TMEM272: variants seen among roughly 807,000 people sequenced by gnomAD.
The protein encoded by TMEM272 is long intergenic non-protein coding RNA 282.
Under a neutral mutation model 3.7 loss-of-function variants are expected in TMEM272, and 8 were observed. The ratio of observed to expected loss-of-function variants is 2.17; its 90% CI spans 1.27 to 3.91. The LOEUF is 3.91. Ranked by LOEUF, TMEM272 falls within the 30% of genes most tolerant of loss-of-function variation. TMEM272 has a pLI of 0.00. For synonymous variants in TMEM272, 63 were observed against 39.8 expected, an observed-to-expected ratio of 1.58 and a Z score of -2.20; for missense variants, 166 against 91.5, an observed-to-expected ratio of 1.81 and a Z score of -3.32.
chr13:51,889,790 C>A, the TMEM272 span, among the ~76,000 whole-genome samples: 1 of 152,018 alleles, frequency 6.6e-6, no homozygotes, highest in African/African-American at 2.4e-5. Context: ...TACAGGCATG[C>A]GCCACCACGC....
chr13:51,892,688 T>C, the TMEM272 span, among the ~76,000 whole-genome samples: 1 of 152,068 alleles, frequency 6.6e-6, no homozygotes, highest in African/African-American at 2.4e-5. Flanking sequence ...CATTTCCCAT[T>C]CCCCATGATG....
chr13:51,839,106 G>A (rs539739598), intron 1 of TMEM272, among the ~76,000 whole-genome samples: 34 of 152,116 alleles, frequency 2.2e-4, no homozygotes, highest in Non-Finnish European at 4.6e-4. Flanking sequence ...GGTCCAAGCG[G>A]AAGAGGAACC....
the TMEM272 span, chr13:51,910,598 AG>A: frequency 4.7e-6 from 3 of 636,706 alleles, no homozygotes; most frequent in Non-Finnish European, 9.0e-6. Context: ...AGTACAGCTG[AG>A]GGGTAGCCCT....
the TMEM272 span, among the ~76,000 whole-genome samples, chr13:51,911,457 C>T: frequency 9.9e-5 from 15 of 152,186 alleles, no homozygotes; most frequent in Non-Finnish European, 2.2e-4. Flanking sequence ...TGCTCTGTGT[C>T]CATTTCTGAA....
chr13:51,866,725 C>T, the TMEM272 span, among the ~76,000 whole-genome samples: 5 of 152,214 alleles, frequency 3.3e-5, no homozygotes, highest in Admixed American at 6.5e-5. Flanking sequence ...GGGGCTGAGA[C>T]TCAAGAGTGC....
upstream of TMEM272, among the ~76,000 whole-genome samples, chr13:51,847,674 G>A (rs1454848451): frequency 6.6e-6 from 1 of 152,194 alleles, no homozygotes; most frequent in Non-Finnish European, 1.5e-5. Flanking sequence ...GAGTGACTGT[G>A]AGCAGTGAGG....
At chr13:51,834,485 G>A (rs1415500415) in intron 2 of TMEM272, among the ~76,000 whole-genome samples, 1 of 152,198 alleles carries the variant, frequency 6.6e-6, no homozygotes, top group Non-Finnish European at 1.5e-5. Flanking sequence ...TTTTATTAAA[G>A]AGGAAGAAGT....
intron 3 of TMEM272, among the ~76,000 whole-genome samples, chr13:51,824,693 C>G (rs1956108295): frequency 6.6e-6 from 1 of 152,232 alleles, no homozygotes; most frequent in African/African-American, 2.4e-5. Context: ...TGGCTCATGC[C>G]TGTCATCCCA....
the TMEM272 span, among the ~76,000 whole-genome samples, chr13:51,885,725 T>G: frequency 4.6e-5 from 7 of 152,208 alleles, no homozygotes; most frequent in African/African-American, 1.7e-4. Context: ...CTTTACTATT[T>G]GTACAGAAGC....
chr13:51,921,116 A>G, the TMEM272 span: 4 of 152,270 alleles, frequency 2.6e-5, no homozygotes, highest in African/African-American at 7.2e-5. Context: ...ATACGCAGAC[A>G]TTGATCTGAG....
chr13:51,838,438 AC>A, intron 2 of TMEM272, 34 bp downstream of exon 2: 1 of 703,018 alleles, frequency 1.4e-6, no homozygotes, highest in Non-Finnish European at 2.6e-6. Flanking sequence ...TCTCAATCCT[AC>A]AAAACCAGGG....
chr13:51,886,611 A>T, the TMEM272 span, among the ~76,000 whole-genome samples: 1 of 152,208 alleles, frequency 6.6e-6, no homozygotes, highest in African/African-American at 2.4e-5. Flanking sequence ...TTTTCTATAG[A>T]TAAAACATTT....
intron 1 of TMEM272, among the ~76,000 whole-genome samples, chr13:51,839,227 G>C (rs970577122): frequency 6.6e-6 from 1 of 152,172 alleles, no homozygotes; most frequent in Non-Finnish European, 1.5e-5. Context: ...CTGTGAGAAA[G>C]GGCTTCCCTT....
At chr13:51,866,147 C>A in the TMEM272 span, 1 of 1,300,914 alleles carries the variant, frequency 7.7e-7, no homozygotes, top group Non-Finnish European at 1.0e-6. Context: ...CCAGGGTGAG[C>A]CCATGTGCTG....
At chr13:51,924,641 G>A in the TMEM272 span, among the ~76,000 whole-genome samples, 1 of 152,164 alleles carries the variant, frequency 6.6e-6, no homozygotes, top group Non-Finnish European at 1.5e-5. Flanking sequence ...ACTGCTGGCT[G>A]TGCCTGCTTC....
At chr13:51,908,828 C>T in the TMEM272 span, 1 of 1,439,350 alleles carries the variant, frequency 6.9e-7, no homozygotes. Flanking sequence ...TCCTACGGTC[C>T]TGTTCCCACG....
the TMEM272 span, among the ~76,000 whole-genome samples, chr13:51,900,847 G>A: frequency 1.3e-5 from 2 of 152,192 alleles, no homozygotes; most frequent in Non-Finnish European, 2.9e-5. Context: ...ATTATGCTAA[G>A]TATAAGAAGC....
the TMEM272 span, among the ~76,000 whole-genome samples, chr13:51,917,892 G>T: frequency 6.6e-6 from 1 of 152,076 alleles, no homozygotes; most frequent in Non-Finnish European, 1.5e-5. Flanking sequence ...CAAGAATGTC[G>T]CCCTTCTCCT....
At chr13:51,897,362 A>ATTTTT in the TMEM272 span, among the ~76,000 whole-genome samples, 907 of 82,356 alleles carry the variant, frequency 0.011, 53 homozygotes, top group East Asian at 0.015. Context: ...TGTCTGGCTA[A>ATTTTT]TTTTTTTTTT....
Sources: allele counts gnomAD v4.1 joint callset (sites outside exome capture counted in the v4.1 genomes callset), GRCh38; gene constraint gnomAD v4.1.1; transcripts MANE v1.5; gene names NCBI Gene and HGNC (gene_info 2026-07-23, HGNC 2026-07-21).